HUWE1: variants seen among roughly 807,000 people sequenced by gnomAD.
HUWE1 encodes E3 ubiquitin-protein ligase HUWE1.
Under a neutral mutation model 299.4 loss-of-function variants are expected in HUWE1, and 18 were observed. The ratio of observed to expected loss-of-function variants is 0.06; its 90% CI spans 0.04 to 0.09. HUWE1 has a LOEUF of 0.09. HUWE1 is among the 10% of genes least tolerant of loss of function. The pLI, the probability that HUWE1 is intolerant of heterozygous loss-of-function variation, is 1.00. For missense variants in HUWE1, 1,832 were observed against 3,462.3 expected (o/e 0.53, Z 11.82); for synonymous variants, 1,317 against 1,286.1 (o/e 1.02, Z -0.51).
chrX:53,640,967 T>C (rs1441829309), intron 7 of HUWE1, among the ~76,000 whole-genome samples: 2 of 112,123 alleles, frequency 1.8e-5, no homozygotes, highest in Non-Finnish European at 3.8e-5. Context: ...TCAGATGCTA[T>C]TGTGGTCCTA....
At position 53,547,766 on chromosome X, in the gene HUWE1, G is replaced by T. The variant is rs1556924273; in HGVS notation, c.10543C>A (p.Pro3515Thr). Reference protein sequence around the residue: ...PTAPTPVTSAPALVAATAIST... With the variant: ...PTAPTPVTSATALVAATAIST... ...ATAGCCGTGGCAGCAACCAGGGCTGGAGCAGAAGTGACAGGGGTGGGTGCA... is the reference window on the plus strand; with the variant it reads ...ATAGCCGTGGCAGCAACCAGGGCTGTAGCAGAAGTGACAGGGGTGGGTGCA... The change falls in exon 68 of 84, where the codon CCA becomes ACA. Residue 3515 changes from proline (P) to threonine (T), a missense_variant. Physicochemically the swap from Pro to Thr is conservative, Grantham distance 38. This residue lies in a region of HUWE1 where 119 missense variants were observed against 124.6 expected (regional missense o/e 0.96). Coordinates refer to ENST00000262854, the MANE Select transcript of HUWE1 (RefSeq NM_031407.7). 8.3e-7 allele frequency: 1 copy of T among 1,203,282 alleles called. No homozygotes were observed.
rs937318252 is a variant in HUWE1, at chrX:53,680,168, G to C, written c.-144C>G. 1.7e-5 allele frequency: 5 copies of C among 295,110 alleles called. No individual in the cohort carries two copies. The highest frequency in any genetic ancestry group is 1.4e-4 in the African/African-American group (5 of 36,181). 24.3% of individuals were successfully genotyped at this position (295,110 alleles called of 1,213,427 possible). Reference sequence around the variant, plus strand: ...TTTCTCTGGATCACTAACCCACTCAGGTCAGGCTGCTGGAGGACCTACAAA... The same window carrying C: ...TTTCTCTGGATCACTAACCCACTCACGTCAGGCTGCTGGAGGACCTACAAA... On this transcript the variant is annotated 5_prime_UTR_variant, in exon 3 of 84. Transcript: ENST00000262854.
At chrX:53,575,105 T>C in intron 46 of HUWE1, 50 bp downstream of exon 46, 1 of 991,368 alleles carries the variant, frequency 1.0e-6, no homozygotes. Flanking sequence ...TTTTTTCAAG[T>C]TGTTTTCCTA....
At chrX:53,588,189 T>C (rs1334823636) in intron 37 of HUWE1, among the ~76,000 whole-genome samples, 193 bp downstream of exon 37, 4 of 111,988 alleles carry the variant, frequency 3.6e-5, no homozygotes, top group Non-Finnish European at 7.5e-5. Flanking sequence ...CAGATAAAAC[T>C]GTTATCATTC....
chrX:53,679,031 T>C (rs782192726), intron 3 of HUWE1, among the ~76,000 whole-genome samples: 9 of 112,110 alleles, frequency 8.0e-5, no homozygotes, highest in Non-Finnish European at 1.7e-4. Flanking sequence ...CAGGAGATTA[T>C]AGCCATTGTT....
At position 53,586,513 on chromosome X, in the gene HUWE1, T is replaced by G; in HGVS notation, c.4801A>C (p.Lys1601Gln). 1 of 1,205,284 alleles carries G rather than the reference T, an allele frequency of 8.3e-7. No individual in the cohort carries two copies. The highest frequency in any genetic ancestry group is 1.1e-6 in the Non-Finnish European group (1 of 889,914). The change falls in exon 39 of 84, where the codon AAA (lysine) becomes CAA (glutamine). Residue 1601 changes from lysine (K) to glutamine (Q), a missense_variant. Lys to Gln is a moderately conservative substitution (Grantham distance 53). Transcript: ENST00000262854. ...ACCTTAGTCATCTGGGCTCTCCTTTTTGAGGAGATGGCTGTCTTTTCATAG... is the reference window on the plus strand; with the variant it reads ...ACCTTAGTCATCTGGGCTCTCCTTTGTGAGGAGATGGCTGTCTTTTCATAG... The part of the protein sequence containing the change: ...DFYEKTAISS[K>Q]RRAQMTKYLQ...
At chrX:53,550,565 T>A (rs2061728054) in intron 66 of HUWE1, 101 bp downstream of exon 66, 2 of 736,562 alleles carry the variant, frequency 2.7e-6, no homozygotes, top group Admixed American at 4.9e-5. Flanking sequence ...AGACCATCCA[T>A]CCTGCCTGTC....
chrX:53,616,847 T>C, intron 21 of HUWE1, 123 bp downstream of exon 21: 1 of 531,289 alleles, frequency 1.9e-6, no homozygotes, highest in Non-Finnish European at 3.2e-6. Context: ...ATAGAATGTA[T>C]GATGATAATT....
chrX:53,578,802 G>A (rs1314773686), intron 43 of HUWE1, among the ~76,000 whole-genome samples: 1 of 78,401 alleles, frequency 1.3e-5, no homozygotes, highest in Non-Finnish European at 2.5e-5. Flanking sequence ...TGGGAGGGAG[G>A]TGGGGGGGGG....
At chrX:53,631,985 C>G (rs2066907933) in intron 9 of HUWE1, 1 of 321,335 alleles carries the variant, frequency 3.1e-6, no homozygotes, top group Non-Finnish European at 5.6e-6. Flanking sequence ...GCTTTCAAGG[C>G]AATTAAGCTA....
chrX:53,643,503 C>A (rs1557032885), intron 7 of HUWE1, among the ~76,000 whole-genome samples: 1 of 111,157 alleles, frequency 9.0e-6, no homozygotes, highest in Non-Finnish European at 1.9e-5. Flanking sequence ...GTGCCCACCA[C>A]CACGTCCAGC....
At chrX:53,627,621 C>A in intron 16 of HUWE1, 106 bp from the exon 17 acceptor site, 1 of 814,011 alleles carries the variant, frequency 1.2e-6, no homozygotes. Context: ...AGCAGATACA[C>A]AGTTGATTTC....
intron 3 of HUWE1, among the ~76,000 whole-genome samples, chrX:53,677,406 G>T (rs2069880355): frequency 9.1e-6 from 1 of 110,156 alleles, no homozygotes; most frequent in South Asian, 3.9e-4. Context: ...TTTTACAGAT[G>T]AAGGACCGTG....
intron 17 of HUWE1, 142 bp from the exon 18 acceptor site, chrX:53,625,400 G>A: frequency 6.9e-6 from 3 of 436,527 alleles, no homozygotes; most frequent in Non-Finnish European, 1.2e-5. Context: ...CTGAATGTTA[G>A]GAAGAATACT....
chrX:53,543,972 G>C lies in HUWE1; in HGVS notation c.11252-4C>G. 8.4e-7 allele frequency: 1 copy of C among 1,196,183 alleles called. No homozygotes were observed. The highest frequency in any genetic ancestry group is 1.1e-6 in the Non-Finnish European group (1 of 885,255). On this transcript the variant is annotated splice_polypyrimidine_tract_variant and splice_region_variant and intron_variant, in intron 72 of 83. Coordinates refer to ENST00000262854, the MANE Select transcript of HUWE1 (RefSeq NM_031407.7). ...GCTGAGCCTAAACCGGAGGAACCTG[G>C]GAGAAAGAGAAAGAGGAAGGCAAGA... is the stretch of plus-strand genomic sequence containing the variant.
chrX:53,532,975 C>T lies in HUWE1; in HGVS notation c.*334G>A, dbSNP rs2060837653. On this transcript the variant is annotated 3_prime_UTR_variant, in exon 84 of 84. Transcript: ENST00000262854. ...CCAAAGGTTTCAAGTCTCAATGCAG[C>T]AAATCCTTCTGAACACAGAATCTGA... 6.2e-6 allele frequency: 1 copy of T among 160,779 alleles called. No homozygotes were observed. Among genetic ancestry groups the T allele is most frequent in the African/African-American group, 3.1e-5 (1 of 32,472 alleles). The allele number at this position is 160,779 out of a possible 1,213,427, so 13.2% of individuals were successfully genotyped here.
Position 53,591,141 on chromosome X carries a change from G to A in HUWE1, c.3973-19C>T. ...CCATGAGCTACATAAAGAATGCAAG[G>A]GCTCAGAATCACATAACGGAAATCC... is the stretch of plus-strand genomic sequence containing the variant. On this transcript the variant is annotated intron_variant, in intron 33 of 83. Coordinates refer to ENST00000262854, the MANE Select transcript of HUWE1 (RefSeq NM_031407.7). 2 of 1,206,074 alleles carry A rather than the reference G, an allele frequency of 1.7e-6. No homozygotes were observed. The highest frequency in any genetic ancestry group is 2.2e-6 in the Non-Finnish European group (2 of 891,976).
chrX:53,665,370 T>C (rs781805098), intron 3 of HUWE1, among the ~76,000 whole-genome samples: 1 of 112,472 alleles, frequency 8.9e-6, no homozygotes, highest in East Asian at 2.8e-4. Context: ...AAACACACTA[T>C]ACCTCAGATT....
rs782142970 is a variant in HUWE1 at position 53,576,992 on chromosome X, T to C, written c.5792A>G (p.Lys1931Arg). 2 of 1,204,058 alleles carry C rather than the reference T, an allele frequency of 1.7e-6. No individual in the cohort carries two copies. The highest frequency in any genetic ancestry group is 4.7e-4 in the Middle Eastern group (2 of 4,296). ...AVQLVKTTPL[K>R]PSPLPVIPDT... is the part of the protein sequence containing the mutation. ...AGGGATGACAGGCAGAGGTGAGGGC[T>C]TCAAAGGGGTGGTCTTCACCAGCTG... Residue 1931 changes from lysine (K) to arginine (R), a missense_variant, in exon 44 of 84, where the codon AAG becomes AGG. By Grantham distance (26) the Lys-to-Arg change is conservative. Transcript: ENST00000262854.
Sources: gnomAD v4.1 joint callset for allele counts (sites outside exome capture counted in the v4.1 genomes callset) on GRCh38, gnomAD v4.1.1 for gene constraint, gnomAD v4.1.1 regional missense constraint, MANE v1.5 for transcripts, NCBI Gene and HGNC (gene_info 2026-07-23, HGNC 2026-07-21) for gene names.